CKAP5: variants seen among roughly 807,000 people sequenced by gnomAD.
CKAP5 encodes cytoskeleton-associated protein 5.
A neutral mutation model predicts 232.8 loss-of-function variants in CKAP5; 27 were observed. That is an observed-to-expected ratio of 0.12 (90% CI 0.09 to 0.16). CKAP5 has a LOEUF of 0.16. Among genes scored for constraint, CKAP5 ranks in the 10% least tolerant of loss-of-function variants. CKAP5 has a pLI of 1.00. For missense variants in CKAP5, 1,838 were observed against 2,424.7 expected (o/e 0.76, Z 5.08); for synonymous variants, 785 against 841.1 (o/e 0.93, Z 1.16).
At position 46,763,028 on chromosome 11, in the gene CKAP5, T is replaced by C; in HGVS notation, c.3839A>G (p.Tyr1280Cys). Residue 1280 changes from tyrosine (Y) to cysteine (C), a missense_variant, in exon 30 of 44, where the codon TAT (tyrosine) becomes TGT (cysteine). Physicochemically the swap from Tyr to Cys is radical, Grantham distance 194. Transcript: ENST00000529230. ...AGATGCTTCATTCTCAGTAAGATGA[T>C]ATTCTTCTTCACTTAGCAAGGTGAA... ...LLFTLLSEEE[Y>C]HLTENEASSF... 1.2e-6 allele frequency: 2 copies of C among 1,613,830 alleles called. No individual in the cohort carries two copies. The highest frequency in any genetic ancestry group is 1.7e-6 in the Non-Finnish European group (2 of 1,179,706).
At chr11:46,832,750 A>AAC (rs1939821035) in intron 1 of CKAP5, among the ~76,000 whole-genome samples, 1 of 152,184 alleles carries the variant, frequency 6.6e-6, no homozygotes, top group Non-Finnish European at 1.5e-5. Context: ...TGACTCATCT[A>AAC]ATCATTGTTG....
At chr11:46,809,125 C>T (rs4752937) in intron 7 of CKAP5, among the ~76,000 whole-genome samples, 1,774 of 152,116 alleles carry the variant, frequency 0.012, 21 homozygotes, top group Middle Eastern at 0.017. Context: ...GGGAGGAATC[C>T]GGAGCTCTTT....
rs1014578096 is a variant in CKAP5, at chr11:46,821,193, A to G, written c.39T>C (p.Asp13=). ...DDSEWLKLPV[D]QKCEHKLWKA... ...ATCTTACCTTGTGTTCACATTTCTG[A>G]TCAACTGGCAGTTTCAACCACTCAC... Residue 13 remains aspartate, a synonymous_variant, in exon 2 of 44, where the codon GAT becomes GAC. Coordinates refer to ENST00000529230, the MANE Select transcript of CKAP5 (RefSeq NM_001008938.4). 3.7e-6 allele frequency: 6 copies of G among 1,613,118 alleles called. No individual in the cohort carries two copies. In the African/African-American group the frequency reaches 6.7e-5, roughly 18 times the overall value.
At chr11:46,815,929 CG>C (rs2134682597) in intron 4 of CKAP5, among the ~76,000 whole-genome samples, 1 of 152,242 alleles carries the variant, frequency 6.6e-6, no homozygotes, top group African/African-American at 2.4e-5. Flanking sequence ...AGCTACCAAG[CG>C]AGAATTACCC....
intron 42 of CKAP5, among the ~76,000 whole-genome samples, chr11:46,744,925 C>G (rs2065011626): frequency 6.6e-6 from 1 of 152,118 alleles, no homozygotes; most frequent in Non-Finnish European, 1.5e-5. Context: ...ACTGAAAAAC[C>G]CGAGGACCTT....
chr11:46,746,283 T>TC (rs1265622644), intron 42 of CKAP5, among the ~76,000 whole-genome samples: 2 of 152,196 alleles, frequency 1.3e-5, no homozygotes, highest in African/African-American at 4.8e-5. Context: ...AACTGAAACC[T>TC]CCTAAGTCTT....
chr11:46,809,654 T>C, intron 6 of CKAP5, 88 bp downstream of exon 6: 1 of 1,499,834 alleles, frequency 6.7e-7, no homozygotes, highest in Non-Finnish European at 9.2e-7. Flanking sequence ...AAGGCAATCC[T>C]ACAAAATATG....
At chr11:46,757,286 A>G (rs57192041) in intron 35 of CKAP5, among the ~76,000 whole-genome samples, 3 of 151,256 alleles carry the variant, frequency 2.0e-5, no homozygotes, top group Non-Finnish European at 4.4e-5. Flanking sequence ...TGAGGTTGGG[A>G]GTTCAAGACC....
intron 8 of CKAP5, among the ~76,000 whole-genome samples, chr11:46,806,895 T>C (rs1320802821): frequency 1.3e-5 from 2 of 152,248 alleles, no homozygotes; most frequent in East Asian, 3.8e-4. Flanking sequence ...CTTTAGCTTT[T>C]ACACTATAAA....
chr11:46,809,657 A>G (rs1939232861), intron 6 of CKAP5, 85 bp downstream of exon 6: 5 of 1,509,732 alleles, frequency 3.3e-6, no homozygotes, highest in Non-Finnish European at 4.6e-6. Flanking sequence ...GCAATCCTAC[A>G]AAATATGCCT....
At chr11:46,806,101 T>C (rs1447090143) in intron 8 of CKAP5, among the ~76,000 whole-genome samples, 1 of 152,204 alleles carries the variant, frequency 6.6e-6, no homozygotes, top group Non-Finnish European at 1.5e-5. Flanking sequence ...TGGTCTCTGA[T>C]TCCCTCCACC....
intron 1 of CKAP5, among the ~76,000 whole-genome samples, chr11:46,823,373 A>G (rs575340029): frequency 1.4e-4 from 21 of 152,214 alleles, no homozygotes; most frequent in Non-Finnish European, 2.9e-4. Flanking sequence ...ACCATGATGA[A>G]CACTAAAGTA....
intron 17 of CKAP5, among the ~76,000 whole-genome samples, chr11:46,783,619 C>T (rs2065361334): frequency 6.8e-6 from 1 of 147,388 alleles, no homozygotes; most frequent in South Asian, 2.1e-4. Context: ...TTTTTAGAGA[C>T]AGGGTCTTGC....
chr11:46,744,275 G>C lies in CKAP5; in HGVS notation c.5857-10C>G. 6.2e-7 allele frequency: 1 copy of C among 1,613,580 alleles called. No individual in the cohort carries two copies. The highest frequency in any genetic ancestry group is 8.5e-7 in the Non-Finnish European group (1 of 1,179,504). ...GAGGTCGGTCATCTTGCTATTGAGA[G>C]AAGGAGAGAGATTGTCTAAGGTCAG... On this transcript the variant is annotated splice_polypyrimidine_tract_variant and intron_variant, in intron 43 of 43. Transcript: ENST00000529230.
At chr11:46,798,254 T>A (rs898511127) in intron 9 of CKAP5, 82 bp from the exon 10 acceptor site, 27 of 988,836 alleles carry the variant, frequency 2.7e-5, no homozygotes, top group South Asian at 1.5e-4. Context: ...GGCTGAACCT[T>A]AAAAATAGTA....
At chr11:46,796,554 G>A (rs1938880473) in intron 12 of CKAP5, among the ~76,000 whole-genome samples, 1 of 152,124 alleles carries the variant, frequency 6.6e-6, no homozygotes, top group South Asian at 2.1e-4. Context: ...AGTGGAGGAT[G>A]AAATAAATTT....
intron 25 of CKAP5, 47 bp from the exon 26 acceptor site, chr11:46,770,145 A>G (rs1474865767): frequency 1.3e-6 from 2 of 1,578,494 alleles, no homozygotes; most frequent in East Asian, 4.5e-5. Flanking sequence ...CATAAATGAT[A>G]AAGTCATACA....
At chr11:46,818,239 G>T in intron 3 of CKAP5, 71 bp downstream of exon 3, 1 of 1,209,688 alleles carries the variant, frequency 8.3e-7, no homozygotes, top group African/African-American at 1.6e-5. Context: ...TAAGGACAGT[G>T]ATCTACAAAC....
intron 3 of CKAP5, among the ~76,000 whole-genome samples, chr11:46,816,870 G>T (rs991264434): frequency 8.0e-5 from 12 of 150,214 alleles, no homozygotes; most frequent in Non-Finnish European, 1.3e-4. Flanking sequence ...ACTTTGGGAG[G>T]CTGAGGCGGG....
Sources: allele counts gnomAD v4.1 joint callset (sites outside exome capture counted in the v4.1 genomes callset), GRCh38; gene constraint gnomAD v4.1.1; transcripts MANE v1.5; gene names NCBI Gene and HGNC (gene_info 2026-07-23, HGNC 2026-07-21).